The following ADAMTSL1 variants were observed in gnomAD, a reference collection of about 807,000 sequenced individuals.
ADAMTSL1 encodes ADAMTS-like protein 1.
ADAMTSL1 carries 126 observed loss-of-function variants against 201.8 expected under a neutral mutation model. That is an observed-to-expected ratio of 0.62 (90% CI 0.54 to 0.72). The LOEUF is 0.72. Ranked by LOEUF, ADAMTSL1 falls within the 30% of genes least tolerant of loss-of-function variation. The pLI, the probability that ADAMTSL1 is intolerant of heterozygous loss-of-function variation, is 0.00. For synonymous variants in ADAMTSL1, 1,121 were observed against 903.4 expected (o/e 1.24, Z -4.32); for missense variants, 2,679 against 2,277.8 (o/e 1.18, Z -3.59).
At chr9:18,885,077 C>T (rs769683305) in intron 23 of ADAMTSL1, among the ~76,000 whole-genome samples, 1 of 152,108 alleles carries the variant, frequency 6.6e-6, no homozygotes, top group Admixed American at 6.5e-5. Context: ...CGTATTTTGT[C>T]GTTTTCAGTG....
chr9:18,558,028 A>C (rs914546226), intron 3 of ADAMTSL1, among the ~76,000 whole-genome samples: 3 of 152,028 alleles, frequency 2.0e-5, no homozygotes, highest in African/African-American at 7.2e-5. Context: ...AAAAAAATAT[A>C]CTTTAAATAC....
chr9:18,713,196 G>T (rs1832717432), intron 14 of ADAMTSL1, among the ~76,000 whole-genome samples: 1 of 151,094 alleles, frequency 6.6e-6, no homozygotes, highest in South Asian at 2.1e-4. Context: ...ATCAACTAAT[G>T]AGCAAAATAA....
intron 7 of ADAMTSL1, among the ~76,000 whole-genome samples, chr9:18,648,915 C>G (rs1828005901): frequency 6.6e-6 from 1 of 152,046 alleles, no homozygotes; most frequent in Admixed American, 6.6e-5. Context: ...TCTGTATTTC[C>G]TGAATCTGAA....
At chr9:18,430,984 G>A (rs1819464164) in intron 2 of ADAMTSL1, among the ~76,000 whole-genome samples, 1 of 152,170 alleles carries the variant, frequency 6.6e-6, no homozygotes, top group African/African-American at 2.4e-5. Flanking sequence ...TACAGAGATG[G>A]TAGGGAAATG....
intron 26 of ADAMTSL1, among the ~76,000 whole-genome samples, chr9:18,899,522 G>A (rs541280136): frequency 1.6e-4 from 25 of 152,276 alleles, no homozygotes; most frequent in African/African-American, 6.0e-4. Flanking sequence ...AGAGCTGGAG[G>A]CATCACACTA....
At chr9:18,406,381 T>A (rs760880504) in intron 2 of ADAMTSL1, among the ~76,000 whole-genome samples, 1 of 149,062 alleles carries the variant, frequency 6.7e-6, no homozygotes, top group Non-Finnish European at 1.5e-5. Flanking sequence ...CAGGCTGGAG[T>A]GCGGTGGCAT....
At chr9:18,351,291 G>T (rs1320924610) in intron 2 of ADAMTSL1, among the ~76,000 whole-genome samples, 2 of 151,282 alleles carry the variant, frequency 1.3e-5, no homozygotes, top group African/African-American at 4.8e-5. Context: ...AGAAAAACTT[G>T]TGTGTGGTCC....
At chr9:18,143,222 A>T (rs1793306486) in intron 1 of ADAMTSL1, among the ~76,000 whole-genome samples, 1 of 152,188 alleles carries the variant, frequency 6.6e-6, no homozygotes, top group Non-Finnish European at 1.5e-5. Flanking sequence ...CTGGATTGGC[A>T]TGTTCCCCTT....
At chr9:17,992,573 G>T (rs1819204177) in intron 1 of ADAMTSL1, among the ~76,000 whole-genome samples, 1 of 152,052 alleles carries the variant, frequency 6.6e-6, no homozygotes, top group Admixed American at 6.6e-5. Flanking sequence ...GTCATCTGAG[G>T]CTAGGAGTTC....
intron 2 of ADAMTSL1, among the ~76,000 whole-genome samples, chr9:18,306,228 G>A (rs962022115): frequency 6.6e-6 from 1 of 152,164 alleles, no homozygotes; most frequent in East Asian, 1.9e-4. Flanking sequence ...AATACACGAA[G>A]ATGAGGAAAA....
chr9:18,634,560 C>G (rs1410942725), intron 5 of ADAMTSL1, among the ~76,000 whole-genome samples: 1 of 151,954 alleles, frequency 6.6e-6, no homozygotes, highest in Non-Finnish European at 1.5e-5. Flanking sequence ...ATAATAAGGG[C>G]TGAGTGCAGT....
At chr9:18,760,622 C>T (rs1279828943) in intron 16 of ADAMTSL1, among the ~76,000 whole-genome samples, 1 of 152,182 alleles carries the variant, frequency 6.6e-6, no homozygotes, top group Non-Finnish European at 1.5e-5. Context: ...TTACCCCCTA[C>T]TTTGAAACCC....
intron 2 of ADAMTSL1, among the ~76,000 whole-genome samples, chr9:18,435,802 T>C (rs776615028): frequency 1.3e-5 from 2 of 151,998 alleles, no homozygotes; most frequent in Non-Finnish European, 2.9e-5. Flanking sequence ...ACAGAGAAAC[T>C]CCCAGTTTTA....
intron 1 of ADAMTSL1, among the ~76,000 whole-genome samples, chr9:18,023,658 A>C (rs999524823): frequency 6.6e-6 from 1 of 152,054 alleles, no homozygotes; most frequent in Non-Finnish European, 1.5e-5. Context: ...ATTTCCCCAG[A>C]TTTCTTCTGT....
chr9:18,641,694 A>AG (rs535319074), intron 7 of ADAMTSL1, among the ~76,000 whole-genome samples: 34 of 152,174 alleles, frequency 2.2e-4, no homozygotes, highest in African/African-American at 7.0e-4. Context: ...AAGTACGTAC[A>AG]GAAAAAAAGA....
At chr9:18,855,110 G>A (rs1826757560) in intron 23 of ADAMTSL1, among the ~76,000 whole-genome samples, 1 of 152,148 alleles carries the variant, frequency 6.6e-6, no homozygotes, top group African/African-American at 2.4e-5. Context: ...AGAGCTTACA[G>A]ATTTGGGTTT....
intron 2 of ADAMTSL1, among the ~76,000 whole-genome samples, chr9:18,279,710 C>T (rs2132621277): frequency 6.6e-6 from 1 of 152,262 alleles, no homozygotes; most frequent in East Asian, 2.0e-4. Context: ...GCAGTTCCAT[C>T]TACACAGATT....
At chr9:18,696,080 C>T (rs1040567115) in intron 13 of ADAMTSL1, among the ~76,000 whole-genome samples, 1 of 152,162 alleles carries the variant, frequency 6.6e-6, no homozygotes, top group Non-Finnish European at 1.5e-5. Flanking sequence ...ATCACAAGAA[C>T]AGCAAGGGGA....
chr9:18,565,386 A>G (rs1293232115), intron 3 of ADAMTSL1, among the ~76,000 whole-genome samples: 2 of 152,304 alleles, frequency 1.3e-5, no homozygotes, highest in South Asian at 2.1e-4. Context: ...GTTAATGACT[A>G]ATTTTCACAA....
Sources: allele counts gnomAD v4.1 joint callset (sites outside exome capture counted in the v4.1 genomes callset), GRCh38; gene constraint gnomAD v4.1.1; transcripts MANE v1.5; gene names NCBI Gene and HGNC (gene_info 2026-07-23, HGNC 2026-07-21).